Variants in STAB1 observed in about 807,000 individuals in gnomAD.
STAB1 encodes stabilin 1.
Under a neutral mutation model 332.4 loss-of-function variants are expected in STAB1, and 250 were observed. The observed-to-expected ratio is 0.75, with a 90% CI of 0.68 to 0.84. The LOEUF is 0.84. Among genes scored for constraint, STAB1 ranks in the 40% least tolerant of loss-of-function variants. STAB1 has a pLI of 0.00. For synonymous variants in STAB1, 1,475 were observed against 1,390.4 expected, an observed-to-expected ratio of 1.06 and a Z score of -1.35; for missense variants, 3,249 against 3,489.7, an observed-to-expected ratio of 0.93 and a Z score of 1.74.
At chr3:52,509,555 A>G in intron 22 of STAB1, 2 of 592,188 alleles carry the variant, frequency 3.4e-6, no homozygotes, top group Non-Finnish European at 6.0e-6. Context: ...CAGAAAGGAG[A>G]TGCTGTCTGC....
Position 52,515,055 on chromosome 3 carries a change from G to C in STAB1, c.3864+10G>C. Reference sequence around the variant, plus strand: ...GGGCTTCCAGCTGCAGGTGAGACTGGGCTTAGCGCAGCTCTGTCCCTGTGT... The same window carrying C: ...GGGCTTCCAGCTGCAGGTGAGACTGCGCTTAGCGCAGCTCTGTCCCTGTGT... On this transcript the variant is annotated intron_variant, in intron 36 of 68. Coordinates refer to ENST00000321725, the MANE Select transcript of STAB1 (RefSeq NM_015136.3). The C allele has an allele frequency of 6.2e-7, 1 of 1,613,260 alleles. No homozygotes were observed. The highest frequency in any genetic ancestry group is 2.2e-5 in the East Asian group (1 of 44,886).
At position 52,523,914 on chromosome 3, in the gene STAB1, T is replaced by TG. The variant is rs752584935; in HGVS notation, c.7444dup (p.Ala2482GlyfsTer37). On this transcript the variant is annotated frameshift_variant, in exon 67 of 69. Transcript: ENST00000321725. LOFTEE classifies it high-confidence loss of function. ...GAAGCCCCACCTGTGGCGGCAGGCGTGGGGGCTGTGCTTGCCGCTGGAGCA... is the reference window on the plus strand; with the variant it reads ...GAAGCCCCACCTGTGGCGGCAGGCGTGGGGGGCTGTGCTTGCCGCTGGAGCA... 6.2e-7 allele frequency: 1 copy of TG among 1,608,810 alleles called. No individual in the cohort carries two copies. Among genetic ancestry groups the TG allele is most frequent in the Non-Finnish European group, 8.5e-7 (1 of 1,179,604 alleles).
chr3:52,501,240 G>A lies in STAB1; in HGVS notation c.153G>A (p.Lys51=). The A allele has an allele frequency of 1.9e-6, 3 of 1,613,814 alleles. No homozygotes were observed. Among genetic ancestry groups the A allele is most frequent in the Non-Finnish European group, 2.5e-6 (3 of 1,180,026 alleles). The change falls in exon 2 of 69, where the codon AAG becomes AAA. Residue 51 remains lysine, a synonymous_variant. Transcript: ENST00000321725. ...HVPCTSCAAI[K]KQTCPSGWLR... is the part of the protein sequence containing the mutation. ...CCTGCACCTCGTGCGCGGCCATCAAGAAGCAGACGTGTCCCTCAGGCTGGC... is the reference window on the plus strand; with the variant it reads ...CCTGCACCTCGTGCGCGGCCATCAAAAAGCAGACGTGTCCCTCAGGCTGGC...
Position 52,506,795 on chromosome 3 carries a change from C to G in STAB1, c.1934C>G (p.Thr645Ser), listed in dbSNP as rs1708907403. ...HMLDGILLPPTILPILPKHCS... is the reference protein window; with the variant it reads ...HMLDGILLPPSILPILPKHCS... ...CTGGACGGCATCCTGCTGCCCCCGACCATCCTGCCCATCCTGCCCAAGCAC... is the reference window on the plus strand; with the variant it reads ...CTGGACGGCATCCTGCTGCCCCCGAGCATCCTGCCCATCCTGCCCAAGCAC... Residue 645 changes from threonine (T) to serine (S), a missense_variant, in exon 18 of 69, where the codon ACC becomes AGC. Transcript: ENST00000321725. The G allele has an allele frequency of 6.2e-7, 1 of 1,613,124 alleles. No individual in the cohort carries two copies. Among genetic ancestry groups the G allele is most frequent in the Non-Finnish European group, 8.5e-7 (1 of 1,179,918 alleles).
In STAB1 at chr3:52,517,670, G is replaced by A. The variant is rs190062716; in HGVS notation, c.4638+46G>A. Reference sequence around the variant, plus strand: ...CTCCTTCACTGACGAGAAGGAGAGGGGACTGAGGCAGGAACCAGCCCTTCT... The same window carrying A: ...CTCCTTCACTGACGAGAAGGAGAGGAGACTGAGGCAGGAACCAGCCCTTCT... On this transcript the variant is annotated intron_variant, in intron 44 of 68. Transcript: ENST00000321725. 546 of 1,600,576 alleles carry A rather than the reference G, an allele frequency of 3.4e-4. 4 individuals are homozygous for A. In the East Asian group the frequency reaches 0.01, roughly 30 times the overall value.
chr3:52,508,465 T>C (rs767050089), intron 21 of STAB1, 106 bp downstream of exon 21: 1 of 1,059,542 alleles, frequency 9.4e-7, no homozygotes, highest in Non-Finnish European at 1.4e-6. Context: ...CACTCTGGCC[T>C]TGGGATTCTC....
At chr3:52,506,142 C>T (rs1390688392) in intron 16 of STAB1, 28 bp from the exon 17 acceptor site, 4 of 1,601,516 alleles carry the variant, frequency 2.5e-6, no homozygotes, top group Non-Finnish European at 3.4e-6. Flanking sequence ...CAGAGCCCAG[C>T]CTAAAGCCAC....
At chr3:52,499,322 T>C (rs925688803) in intron 1 of STAB1, among the ~76,000 whole-genome samples, 1 of 152,252 alleles carries the variant, frequency 6.6e-6, no homozygotes, top group Non-Finnish European at 1.5e-5. Flanking sequence ...TTCCAGGAGC[T>C]ATGGCAGGCC....
intron 61 of STAB1, 29 bp downstream of exon 61, chr3:52,522,717 G>C: frequency 6.2e-7 from 1 of 1,612,862 alleles, no homozygotes; most frequent in Non-Finnish European, 8.5e-7. Context: ...TTGGGGCCAA[G>C]TGTTGGGGGA....
rs767691101 is a variant in STAB1 at position 52,516,439 on chromosome 3, C to T, written c.4228C>T (p.Arg1410Cys). The stretch of plus-strand genomic sequence containing the variant: ...CTGTAACGTGGGCTGGCAGGGCCTC[C>T]GCTGTGACCAGAGTGAGTGGGTCCC... Reference protein sequence around the residue: ...CVCNVGWQGLRCDQKITSPQC... With the variant: ...CVCNVGWQGLCCDQKITSPQC... Residue 1410 changes from arginine to cysteine, a missense_variant, in exon 39 of 69, where the codon CGC becomes TGC. By Grantham distance (180) the Arg-to-Cys change is radical. Coordinates refer to ENST00000321725, the MANE Select transcript of STAB1 (RefSeq NM_015136.3). 2.6e-5 allele frequency: 42 copies of T among 1,612,814 alleles called. No homozygotes were observed. Among genetic ancestry groups the T allele is most frequent in the Admixed American group, 3.3e-5 (2 of 59,962 alleles).
intron 55 of STAB1, 137 bp downstream of exon 55, chr3:52,521,142 G>T (rs531792256): frequency 5.0e-6 from 6 of 1,196,406 alleles, no homozygotes; most frequent in Non-Finnish European, 6.8e-6. Flanking sequence ...TTTTACTAGC[G>T]GGAGTGCTCG....
In STAB1 at chr3:52,519,964, G is replaced by T. The variant is rs907989800; in HGVS notation, c.5256G>T (p.Leu1752=). 2 of 1,589,316 alleles carry T rather than the reference G, an allele frequency of 1.3e-6. No homozygotes were observed. Among genetic ancestry groups the T allele is most frequent in the Admixed American group, 1.8e-5 (1 of 56,994 alleles). The part of the protein sequence containing the change: ...GLLKVAGLLP[L]LREASHRPFT... ...ACCAGGTGGCCGGCCTCCTGCCCCT[G>T]CTTCGAGAGGCATCCCATAGGCCCT... The change falls in exon 51 of 69, where the codon CTG becomes CTT. Residue 1752 remains leucine, a synonymous_variant. Transcript: ENST00000321725.
At chr3:52,511,989 C>T (rs1323664333) in intron 26 of STAB1, among the ~76,000 whole-genome samples, 2 of 152,244 alleles carry the variant, frequency 1.3e-5, no homozygotes, top group Non-Finnish European at 2.9e-5. Flanking sequence ...TCCTCACCAT[C>T]CCCTGCCCTT....
intron 34 of STAB1, 35 bp downstream of exon 34, chr3:52,514,531 G>C (rs762376051): frequency 6.6e-7 from 1 of 1,526,154 alleles, no homozygotes; most frequent in African/African-American, 1.4e-5. Flanking sequence ...ACCCTAGCCC[G>C]GGCCCCTACC....
At position 52,513,151 on chromosome 3, in the gene STAB1, C is replaced by T; in HGVS notation, c.3180C>T (p.Ala1060=). 6.4e-7 allele frequency: 1 copy of T among 1,574,152 alleles called. No homozygotes were observed. Among genetic ancestry groups the T allele is most frequent in the Non-Finnish European group, 8.6e-7 (1 of 1,159,688 alleles). The part of the protein sequence containing the change: ...NLVRAHFLQG[A]LFEEELARLG... ...TCAGGGCCCATTTTCTCCAGGGTGCCCTCTTCGAGGAGGAGCTGGCCCGGC... is the reference window on the plus strand; with the variant it reads ...TCAGGGCCCATTTTCTCCAGGGTGCTCTCTTCGAGGAGGAGCTGGCCCGGC... The change falls in exon 30 of 69, where the codon GCC becomes GCT. Residue 1060 remains alanine (A), a synonymous_variant. Coordinates refer to ENST00000321725, the MANE Select transcript of STAB1 (RefSeq NM_015136.3).
At chr3:52,509,826 G>T (rs1485006671) in intron 22 of STAB1, 44 bp from the exon 23 acceptor site, 2 of 1,609,930 alleles carry the variant, frequency 1.2e-6, no homozygotes, top group African/African-American at 2.7e-5. Context: ...AGCCAGCCCT[G>T]CCTCCTGCTT....
intron 29 of STAB1, 48 bp downstream of exon 29, chr3:52,513,006 C>G: frequency 1.9e-6 from 3 of 1,591,882 alleles, no homozygotes; most frequent in Non-Finnish European, 2.6e-6. Flanking sequence ...TTGAGGGACC[C>G]AGTCCCTCCC....
intron 48 of STAB1, 47 bp from the exon 49 acceptor site, chr3:52,519,217 C>G (rs368857842): frequency 6.3e-7 from 1 of 1,585,776 alleles, no homozygotes; most frequent in Non-Finnish European, 8.6e-7. Flanking sequence ...CGATAGCTTC[C>G]GAGCACCCCA....
At chr3:52,517,223 G>A (rs1279735746) in intron 42 of STAB1, 97 bp from the exon 43 acceptor site, 23 of 1,493,332 alleles carry the variant, frequency 1.5e-5, no homozygotes, top group Admixed American at 1.2e-4. Flanking sequence ...GACTGGGGGC[G>A]CTGAGAGAGG....
Sources: gnomAD v4.1 joint callset for allele counts (sites outside exome capture counted in the v4.1 genomes callset) on GRCh38, gnomAD v4.1.1 for gene constraint, MANE v1.5 for transcripts, NCBI Gene and HGNC (gene_info 2026-07-23, HGNC 2026-07-21) for gene names.